Variants in CUX2 observed in about 807,000 individuals in gnomAD.
CUX2 encodes the protein cut like homeobox 2.
CUX2 carries 40 observed loss-of-function variants against 144.8 expected under a neutral mutation model. That is an observed-to-expected ratio of 0.28 (90% CI 0.21 to 0.36). The LOEUF (loss-of-function observed/expected upper bound fraction) is 0.36, where lower values mean the gene tolerates loss of function less well. Ranked by LOEUF, CUX2 falls within the 10% of genes least tolerant of loss-of-function variation. The probability of loss-of-function intolerance (pLI) is 1.00; values close to 1 mark genes in which losing one functional copy is unlikely to be tolerated. For missense variants in CUX2, 1,615 were observed against 1,994.0 expected (o/e 0.81, Z 3.62); for synonymous variants, 827 against 875.6 (o/e 0.94, Z 0.98).
rs780168071 is a variant in CUX2, at chr12:111,320,775, G to A, written c.2766G>A (p.Lys922=). Reference sequence around the variant, plus strand: ...TCTGCCAGAGGATCTTCGGGGAGAAGGTGAGTGCAGGGCGGGCCCCCGGTG... The same window carrying A: ...TCTGCCAGAGGATCTTCGGGGAGAAAGTGAGTGCAGGGCGGGCCCCCGGTG... ...NGICQRIFGE[K]VLGLSQGSVS... The change falls in exon 17 of 22, where the codon AAG becomes AAA. Residue 922 remains lysine (K), a splice_region_variant and synonymous_variant. Coordinates refer to ENST00000261726, the MANE Select transcript of CUX2 (RefSeq NM_015267.4). The surrounding 1 kb of genome is among the most constrained non-coding windows in gnomAD (Gnocchi z 8.1). 1 of 1,549,082 alleles carries A rather than the reference G, an allele frequency of 6.5e-7. No individual in the cohort carries two copies. The highest frequency in any genetic ancestry group is 8.7e-7 in the Non-Finnish European group (1 of 1,153,262).
At position 111,263,651 on chromosome 12, in the gene CUX2, A is replaced by AAAACC; in HGVS notation, c.223-106_223-105insCAAAC. 1.1e-6 allele frequency: 1 copy of AAAACC among 909,682 alleles called. No homozygotes were observed. Among genetic ancestry groups the AAAACC allele is most frequent in the Non-Finnish European group, 1.8e-6 (1 of 561,056 alleles). 56.4% of individuals were successfully genotyped at this position (909,682 alleles called of 1,614,324 possible). On this transcript the variant is annotated intron_variant, in intron 3 of 21. Coordinates refer to ENST00000261726, the MANE Select transcript of CUX2 (RefSeq NM_015267.4). This position sits in a 1 kb window ranked among gnomAD's most constrained non-coding sequence, Gnocchi z 4.0. ...AAAACAAAACAAAACAAAACAAAAC[A>AAAACC]AAACAAAAAACCTGCAGATGTTTTC... is the stretch of plus-strand genomic sequence containing the variant.
At chr12:111,328,972 T>TCTCTCTCTCTCTCTCTCTCTCTCTCTCC (rs1198113973) in intron 18 of CUX2, among the ~76,000 whole-genome samples, 16 of 80,058 alleles carry the variant, frequency 2.0e-4, no homozygotes, top group East Asian at 1.7e-3. Flanking sequence ...TCTCTCTCTC[T>TCTCTCTCTCTCTCTCTCTCTCTCTCTCC]CTCCCCCTCT....
At chr12:111,291,944 T>C (rs1377461878) in intron 5 of CUX2, among the ~76,000 whole-genome samples, 1 of 152,108 alleles carries the variant, frequency 6.6e-6, no homozygotes, top group Non-Finnish European at 1.5e-5. Context: ...GGATGAGCCC[T>C]TGCCGAGCTG....
At chr12:111,249,601 C>T (rs978315763) in intron 3 of CUX2, among the ~76,000 whole-genome samples, 7 of 151,614 alleles carry the variant, frequency 4.6e-5, no homozygotes, top group African/African-American at 9.7e-5. Flanking sequence ...GGATCACAGG[C>T]ACGCGACACC....
intron 16 of CUX2, among the ~76,000 whole-genome samples, chr12:111,319,373 C>T (rs182371438): frequency 1.3e-5 from 2 of 151,950 alleles, no homozygotes; most frequent in African/African-American, 2.4e-5. Context: ...AACAAGTGAA[C>T]AAGCCACTTT....
intron 1 of CUX2, among the ~76,000 whole-genome samples, chr12:111,130,018 C>A (rs556154966): frequency 3.9e-5 from 6 of 152,322 alleles, no homozygotes; most frequent in African/African-American, 9.6e-5. Flanking sequence ...GAATCAATGT[C>A]AGTTCTGAGC....
chr12:111,239,727 G>T (rs767565730), intron 3 of CUX2, among the ~76,000 whole-genome samples: 1 of 152,042 alleles, frequency 6.6e-6, no homozygotes, highest in African/African-American at 2.4e-5. Context: ...TGTTTGTCTC[G>T]CCTGTTGCTT....
In CUX2 at chr12:111,214,347, G is replaced by A. The variant is rs778094238; in HGVS notation, c.174+37G>A. 4 of 1,218,228 alleles carry A rather than the reference G, an allele frequency of 3.3e-6. No individual in the cohort carries two copies. The African/African-American group carries it at 6.1e-5, about 19-fold the overall frequency. 75.5% of individuals were successfully genotyped at this position (1,218,228 alleles called of 1,614,324 possible). On this transcript the variant is annotated intron_variant, in intron 2 of 21. Coordinates refer to ENST00000261726, the MANE Select transcript of CUX2 (RefSeq NM_015267.4). ...TTGCCGTTATAGAATTAACTCAGTA[G>A]GAATGCAGATTTCTCTCCATTCAAA...
At chr12:111,179,264 C>A (rs1489773520) in intron 1 of CUX2, among the ~76,000 whole-genome samples, 2 of 152,200 alleles carry the variant, frequency 1.3e-5, no homozygotes, top group Non-Finnish European at 2.9e-5. Flanking sequence ...GTTTAAATCA[C>A]TTCCCCTCTC....
intron 1 of CUX2, among the ~76,000 whole-genome samples, chr12:111,143,709 G>A (rs892626037): frequency 6.6e-6 from 1 of 152,156 alleles, no homozygotes; most frequent in Non-Finnish European, 1.5e-5. Context: ...AGGCCTCGCC[G>A]CCTGATGCCT....
intron 16 of CUX2, among the ~76,000 whole-genome samples, chr12:111,317,014 C>G (rs186041720): frequency 6.6e-6 from 1 of 152,200 alleles, no homozygotes; most frequent in African/African-American, 2.4e-5. Context: ...CTCTTTCACT[C>G]AGCCCCATGT....
At chr12:111,249,574 A>T (rs1392919938) in intron 3 of CUX2, among the ~76,000 whole-genome samples, 1 of 150,366 alleles carries the variant, frequency 6.7e-6, no homozygotes, top group Non-Finnish European at 1.5e-5. Flanking sequence ...CTCCTGCCTC[A>T]GCCTCCTGAG....
chr12:111,318,566 C>G (rs1302956740), intron 16 of CUX2, among the ~76,000 whole-genome samples: 1 of 150,272 alleles, frequency 6.7e-6, no homozygotes, highest in Non-Finnish European at 1.5e-5. Context: ...GCACTCCAGC[C>G]TGGGAAGCAT....
chr12:111,259,329 CAA>C (rs1565877651), intron 3 of CUX2, among the ~76,000 whole-genome samples: 2 of 152,108 alleles, frequency 1.3e-5, no homozygotes, highest in Non-Finnish European at 2.9e-5. Flanking sequence ...TCGCGGGCCA[CAA>C]AGTCTCTTTC....
At position 111,312,070 on chromosome 12, in the gene CUX2, C is replaced by T; in HGVS notation, c.1901-30C>T. On this transcript the variant is annotated intron_variant, in intron 15 of 21. Coordinates refer to ENST00000261726, the MANE Select transcript of CUX2 (RefSeq NM_015267.4). The surrounding 1 kb of genome is among the most constrained non-coding windows in gnomAD (Gnocchi z 4.3). ...CGGAGACTGAGCCCAACATGCAGAT[C>T]CTGCCACAGATGCCTTCTTGCCTCC... 6.3e-7 allele frequency: 1 copy of T among 1,592,234 alleles called. No individual in the cohort carries two copies. Among genetic ancestry groups the T allele is most frequent in the Non-Finnish European group, 8.6e-7 (1 of 1,163,582 alleles).
At chr12:111,139,336 G>A (rs1423959065) in intron 1 of CUX2, among the ~76,000 whole-genome samples, 1 of 152,146 alleles carries the variant, frequency 6.6e-6, no homozygotes, top group East Asian at 1.9e-4. Context: ...GGGTTTGGGA[G>A]AGAAAGGAGA....
At chr12:111,041,365 C>G (rs1048409296) in intron 1 of CUX2, among the ~76,000 whole-genome samples, 6 of 152,182 alleles carry the variant, frequency 3.9e-5, no homozygotes, top group African/African-American at 1.4e-4. Context: ...GCGGCTGGAA[C>G]TTGCTGGCCT....
chr12:111,273,301 T>A (rs1177821690), intron 4 of CUX2, among the ~76,000 whole-genome samples: 5 of 152,146 alleles, frequency 3.3e-5, no homozygotes, highest in Non-Finnish European at 7.4e-5. Context: ...AATTCACTGA[T>A]TCCACACACA....
intron 3 of CUX2, among the ~76,000 whole-genome samples, chr12:111,262,227 C>G (rs954480249): frequency 1.3e-4 from 20 of 152,184 alleles, no homozygotes; most frequent in Non-Finnish European, 2.6e-4. Flanking sequence ...TTATTCATGG[C>G]TGGGTTCTCA....
Sources: allele counts gnomAD v4.1 joint callset (sites outside exome capture counted in the v4.1 genomes callset), GRCh38; gene constraint gnomAD v4.1.1; non-coding constraint Gnocchi (gnomAD v3.1); transcripts MANE v1.5; gene names NCBI Gene and HGNC (gene_info 2026-07-23, HGNC 2026-07-21).